Variants in RNLS observed in about 807,000 individuals in gnomAD.
RNLS encodes renalase, FAD dependent amine oxidase.
RNLS carries 39 observed loss-of-function variants against 39.8 expected under a neutral mutation model. The observed-to-expected ratio is 0.98, with a 90% CI of 0.76 to 1.28. The LOEUF (loss-of-function observed/expected upper bound fraction) is 1.28. RNLS is among the 50% of genes most tolerant of loss of function. The pLI is 0.00. For synonymous variants in RNLS, 147 were observed against 150.7 expected (o/e 0.98, Z 0.18); for missense variants, 410 against 413.3 (o/e 0.99, Z 0.07).
the RNLS span, among the ~76,000 whole-genome samples, chr10:88,194,720 T>C: frequency 6.6e-6 from 1 of 152,232 alleles, no homozygotes. Flanking sequence ...TCTACTGTAT[T>C]GAAATCTGGA....
chr10:88,393,293 C>T (rs536019165), intron 4 of RNLS, among the ~76,000 whole-genome samples: 2 of 151,910 alleles, frequency 1.3e-5, no homozygotes, highest in African/African-American at 2.4e-5. Flanking sequence ...CTAGAAAACC[C>T]CATCGTCTCA....
At chr10:88,364,568 T>G (rs903255920) in intron 4 of RNLS, among the ~76,000 whole-genome samples, 1 of 152,152 alleles carries the variant, frequency 6.6e-6, no homozygotes, top group Admixed American at 6.6e-5. Context: ...ATATTCTTAC[T>G]ACCCTATACT....
intron 4 of RNLS, among the ~76,000 whole-genome samples, chr10:88,525,207 C>G (rs1023097092): frequency 6.6e-6 from 1 of 151,482 alleles, no homozygotes; most frequent in Non-Finnish European, 1.5e-5. Context: ...CTATCCCATA[C>G]AAATCCTGAT....
chr10:88,469,822 C>CGTGTGTGTGTGTGTGTGT (rs199651876), intron 4 of RNLS, among the ~76,000 whole-genome samples: 1 of 138,130 alleles, frequency 7.2e-6, no homozygotes, highest in Admixed American at 7.2e-5. Flanking sequence ...TATGTGTGTG[C>CGTGTGTGTGTGTGTGTGT]GTGTGTGTGT....
chr10:88,424,732 C>T (rs1010023356), intron 4 of RNLS, among the ~76,000 whole-genome samples: 14 of 152,172 alleles, frequency 9.2e-5, no homozygotes, highest in South Asian at 4.2e-4. Context: ...AGTAAATACA[C>T]GATGACTAGA....
intron 6 of RNLS, chr10:88,309,303 A>G (rs1845178474): frequency 2.3e-6 from 2 of 861,602 alleles, no homozygotes; most frequent in African/African-American, 1.8e-5. Context: ...AAGAAAAAGA[A>G]AATGCATGGG....
chr10:88,460,867 T>C (rs963958261), intron 4 of RNLS, among the ~76,000 whole-genome samples: 2 of 152,148 alleles, frequency 1.3e-5, no homozygotes, highest in Admixed American at 6.6e-5. Context: ...AGAGGAAAGC[T>C]GACTTTGCTC....
chr10:88,374,514 C>T (rs866894816), intron 4 of RNLS, among the ~76,000 whole-genome samples: 6 of 152,094 alleles, frequency 3.9e-5, no homozygotes, highest in East Asian at 1.9e-4. Flanking sequence ...TGCTTTCCTG[C>T]GCTAACATAT....
chr10:88,426,492 A>T (rs984152719), intron 4 of RNLS, among the ~76,000 whole-genome samples: 1 of 152,038 alleles, frequency 6.6e-6, no homozygotes, highest in Admixed American at 6.6e-5. Flanking sequence ...GGGAAAAAAA[A>T]TTCACAAGAG....
rs78923663 is a variant in RNLS at position 88,503,966 on chromosome 10, G to C, written c.526+68937C>G. Among the ~76,000 whole-genome samples the C allele has an allele frequency of 2.9e-4, 44 of 152,224 alleles. No homozygotes were observed. The East Asian group carries it at 5.6e-3, about 19-fold the overall frequency. ...AGGAAGATAGCTACCATGTCAGAAA[G>C]CAGCCCTGGAGAGAGGGAAGCCAAC... On this transcript the variant is annotated intron_variant, in intron 4 of 6. Coordinates refer to ENST00000331772, the MANE Select transcript of RNLS (RefSeq NM_001031709.3).
the RNLS span, among the ~76,000 whole-genome samples, chr10:88,243,748 G>C: frequency 1.1e-3 from 162 of 152,278 alleles, no homozygotes; most frequent in African/African-American, 3.8e-3. Context: ...GCTCTTTAAC[G>C]GACACTTCAC....
chr10:88,529,563 A>G lies in RNLS; in HGVS notation c.526+43340T>C, dbSNP rs375866115. On this transcript the variant is annotated intron_variant, in intron 4 of 6. Transcript: ENST00000331772. The stretch of plus-strand genomic sequence containing the variant: ...GTTATGATTGTATATGTGTGTAATG[A>G]TGGGTAGTAGTGTATTTTACTGAGT... Among the ~76,000 whole-genome samples, 4 of 152,252 alleles carry G rather than the reference A, an allele frequency of 2.6e-5. No homozygotes were observed. The East Asian group carries it at 5.8e-4, about 22-fold the overall frequency.
rs1171324748 is a variant in RNLS, at chr10:88,388,385, T to G, written c.527-25660A>C. On this transcript the variant is annotated intron_variant, in intron 4 of 6. Coordinates refer to ENST00000331772, the MANE Select transcript of RNLS (RefSeq NM_001031709.3). ...CTTGCCTCCTTCCCTTGAAATCCAT[T>G]CTCTGGACTATGCCATCCTGCTTAA... is the stretch of plus-strand genomic sequence containing the variant. Among the ~76,000 whole-genome samples the G allele has an allele frequency of 3.3e-5, 5 of 152,170 alleles. 1 individual carries two copies. The highest frequency in any genetic ancestry group is 3.3e-4 in the Admixed American group (5 of 15,278).
intron 6 of RNLS, 32 bp from the exon 7 acceptor site, chr10:88,285,538 A>T: frequency 6.3e-7 from 1 of 1,588,652 alleles, no homozygotes; most frequent in Non-Finnish European, 8.6e-7. Context: ...TGCAATTGAC[A>T]TTCTGTGCTC....
intron 5 of RNLS, among the ~76,000 whole-genome samples, chr10:88,346,134 C>T (rs781586552): frequency 7.2e-5 from 11 of 152,046 alleles, no homozygotes; most frequent in Non-Finnish European, 1.5e-4. Context: ...AGAGAAATGG[C>T]ACATTTACAG....
chr10:88,364,733 C>T (rs568939373), intron 4 of RNLS, among the ~76,000 whole-genome samples: 13 of 152,142 alleles, frequency 8.5e-5, no homozygotes, highest in African/African-American at 2.2e-4. Context: ...ACTTGATGAA[C>T]GAATGATCTG....
chr10:88,315,702 C>T (rs1437008659), intron 5 of RNLS, among the ~76,000 whole-genome samples: 1 of 149,146 alleles, frequency 6.7e-6, no homozygotes, highest in Non-Finnish European at 1.5e-5. Context: ...AAGCCACTTA[C>T]TCACTATGTG....
At chr10:88,182,951 C>G in the RNLS span, among the ~76,000 whole-genome samples, 2 of 152,050 alleles carry the variant, frequency 1.3e-5, no homozygotes, top group African/African-American at 2.4e-5. Context: ...CGGCACTTAC[C>G]AGTTGTGTTT....
At chr10:88,486,154 A>C (rs779199905) in intron 4 of RNLS, among the ~76,000 whole-genome samples, 5 of 152,292 alleles carry the variant, frequency 3.3e-5, no homozygotes, top group Admixed American at 2.0e-4. Context: ...ATGCTGGTAT[A>C]ACTGGCTAGC....
Sources: allele counts gnomAD v4.1 joint callset (sites outside exome capture counted in the v4.1 genomes callset), GRCh38; gene constraint gnomAD v4.1.1; transcripts MANE v1.5; gene names NCBI Gene and HGNC (gene_info 2026-07-23, HGNC 2026-07-21).